Variants in SP4 observed in about 807,000 individuals in gnomAD.
The protein encoded by SP4 is transcription factor Sp4.
A neutral mutation model predicts 72.8 loss-of-function variants in SP4; 19 were observed. That is an observed-to-expected ratio of 0.26 (90% CI 0.18 to 0.38). The LOEUF (loss-of-function observed/expected upper bound fraction) is 0.38, where lower values mean the gene tolerates loss of function less well. Among genes scored for constraint, SP4 ranks in the 10% least tolerant of loss-of-function variants. The pLI, the probability that SP4 is intolerant of heterozygous loss-of-function variation, is 1.00. For synonymous variants in SP4, 395 were observed against 333.1 expected, an observed-to-expected ratio of 1.19 and a Z score of -2.02; for missense variants, 1,008 against 926.3, an observed-to-expected ratio of 1.09 and a Z score of -1.14.
At chr7:21,428,487 A>T (rs1277677974) in intron 1 of SP4, among the ~76,000 whole-genome samples, 190 bp from the exon 2 acceptor site, 1 of 151,982 alleles carries the variant, frequency 6.6e-6, no homozygotes, top group East Asian at 1.9e-4. Flanking sequence ...GTCGGGTTTC[A>T]AACCACGTTT....
At chr7:21,434,807 A>G (rs1310218687) in intron 3 of SP4, among the ~76,000 whole-genome samples, 1 of 148,932 alleles carries the variant, frequency 6.7e-6, no homozygotes, top group East Asian at 2.2e-4. Flanking sequence ...CTGTATGTCC[A>G]TGTGTAATCA....
intron 3 of SP4, among the ~76,000 whole-genome samples, chr7:21,455,431 A>C (rs1194791994): frequency 6.6e-6 from 1 of 152,196 alleles, no homozygotes; most frequent in African/African-American, 2.4e-5. Context: ...GGGTATGGAA[A>C]CATGATTACC....
At chr7:21,460,704 C>T (rs543009929) in intron 3 of SP4, among the ~76,000 whole-genome samples, 16 of 152,158 alleles carry the variant, frequency 1.1e-4, no homozygotes, top group African/African-American at 2.2e-4. Context: ...CTGATTGGTG[C>T]GTTTACAATC....
intron 3 of SP4, among the ~76,000 whole-genome samples, chr7:21,431,371 T>G (rs893784733): frequency 3.3e-5 from 5 of 152,224 alleles, no homozygotes; most frequent in African/African-American, 1.2e-4. Context: ...AACTAGATAC[T>G]GATGCAGTTG....
chr7:21,502,655 A>G (rs533631410), intron 5 of SP4, among the ~76,000 whole-genome samples: 1 of 152,212 alleles, frequency 6.6e-6, no homozygotes, highest in Non-Finnish European at 1.5e-5. Flanking sequence ...AGGCATTCAC[A>G]TCCCCATACC....
intron 5 of SP4, among the ~76,000 whole-genome samples, chr7:21,508,446 C>T (rs1303150604): frequency 3.3e-5 from 5 of 152,188 alleles, no homozygotes; most frequent in Non-Finnish European, 7.3e-5. Context: ...CCTGCCTCAG[C>T]CTCCCAAGTA....
chr7:21,503,808 A>T (rs1781927158), intron 5 of SP4, among the ~76,000 whole-genome samples: 1 of 152,118 alleles, frequency 6.6e-6, no homozygotes, highest in South Asian at 2.1e-4. Flanking sequence ...CTTTTTGTTT[A>T]TCTTTTGACA....
At chr7:21,444,824 A>G (rs1783371811) in intron 3 of SP4, among the ~76,000 whole-genome samples, 1 of 152,154 alleles carries the variant, frequency 6.6e-6, no homozygotes, top group Admixed American at 6.5e-5. Flanking sequence ...TCTTTATAAA[A>G]CAAGTCCGGG....
chr7:21,474,533 G>A (rs1457739625), intron 3 of SP4, among the ~76,000 whole-genome samples: 1 of 152,180 alleles, frequency 6.6e-6, no homozygotes. Flanking sequence ...TCATCCTTAA[G>A]CCATCTAGTT....
At chr7:21,499,988 A>C (rs1263492474) in intron 5 of SP4, among the ~76,000 whole-genome samples, 2 of 152,182 alleles carry the variant, frequency 1.3e-5, no homozygotes, top group East Asian at 1.9e-4. Flanking sequence ...AATCTCAGCA[A>C]ATTTTTTCCA....
At chr7:21,481,118 A>G (rs1187817779) in intron 4 of SP4, among the ~76,000 whole-genome samples, 1 of 152,186 alleles carries the variant, frequency 6.6e-6, no homozygotes, top group African/African-American at 2.4e-5. Flanking sequence ...CCTGGACCCC[A>G]GTATTTTCAT....
Position 21,428,187 on chromosome 7 carries a change from C to CA in SP4, c.-65_-64insA. On this transcript the variant is annotated 5_prime_UTR_variant, in exon 1 of 6. Transcript: ENST00000222584. ...GCGGGACCGGCCTCTCCTCCCGCCTCGCCCCCACCCCCACCCACCTCTATC... is the reference window on the plus strand; with the variant it reads ...GCGGGACCGGCCTCTCCTCCCGCCTCAGCCCCCACCCCCACCCACCTCTATC... 1.8e-6 allele frequency: 1 copy of CA among 563,540 alleles called. No individual in the cohort carries two copies. Among genetic ancestry groups the CA allele is most frequent in the Middle Eastern group, 3.1e-4 (1 of 3,276 alleles). 34.9% of individuals were successfully genotyped at this position (563,540 alleles called of 1,614,324 possible).
chr7:21,451,089 C>T lies in SP4; in HGVS notation c.1678+20246C>T, dbSNP rs189012682. Among the ~76,000 whole-genome samples, 449 of 152,306 alleles carry T rather than the reference C, an allele frequency of 2.9e-3. 1 individual carries two copies. Among genetic ancestry groups the T allele is most frequent in the African/African-American group, 0.01 (426 of 41,568 alleles). On this transcript the variant is annotated intron_variant, in intron 3 of 5. Coordinates refer to ENST00000222584, the MANE Select transcript of SP4 (RefSeq NM_003112.5). ...CCAGATGTGCAGTGGCCTGCCAGCA[C>T]TTGGGAGGGGCTGCACGTGCAGTGT... is the stretch of plus-strand genomic sequence containing the variant.
chr7:21,493,324 A>C (rs901935586), intron 5 of SP4, among the ~76,000 whole-genome samples: 10 of 152,222 alleles, frequency 6.6e-5, no homozygotes, highest in Non-Finnish European at 1.3e-4. Context: ...AAAAAGTTTC[A>C]AGGGAAATTA....
chr7:21,460,309 T>G (rs868458230), intron 3 of SP4, among the ~76,000 whole-genome samples: 10 of 152,166 alleles, frequency 6.6e-5, no homozygotes, highest in Middle Eastern at 3.2e-3. Flanking sequence ...GTTTATGGTC[T>G]TACTGGCTCA....
At chr7:21,493,660 T>A (rs1450909402) in intron 5 of SP4, among the ~76,000 whole-genome samples, 1 of 152,216 alleles carries the variant, frequency 6.6e-6, no homozygotes, top group African/African-American at 2.4e-5. Flanking sequence ...ATAGATAGCA[T>A]GAATGCTCCT....
In SP4 at chr7:21,428,176, TCCTCCCGCCTCGCC is replaced by T; in HGVS notation, c.-73_-60del. Reference sequence around the variant, plus strand: ...ACCGCGGGCGGGCGGGACCGGCCTCTCCTCCCGCCTCGCCCCCACCCCCACCCACCTCTATCCCA... The same window carrying T: ...ACCGCGGGCGGGCGGGACCGGCCTCTCCCACCCCCACCCACCTCTATCCCA... On this transcript the variant is annotated 5_prime_UTR_variant, in exon 1 of 6. Transcript: ENST00000222584. The T allele has an allele frequency of 2.8e-6, 2 of 718,778 alleles. No homozygotes were observed. The highest frequency in any genetic ancestry group is 3.0e-5 in the East Asian group (1 of 33,532). 44.5% of individuals were successfully genotyped at this position (718,778 alleles called of 1,614,324 possible).
chr7:21,465,058 T>C (rs1784126316), intron 3 of SP4, among the ~76,000 whole-genome samples: 1 of 152,204 alleles, frequency 6.6e-6, no homozygotes, highest in South Asian at 2.1e-4. Flanking sequence ...TTCATATCTT[T>C]CTAGGGTTTT....
chr7:21,481,639 G>A (rs1784692180), intron 4 of SP4, among the ~76,000 whole-genome samples: 1 of 152,174 alleles, frequency 6.6e-6, no homozygotes, highest in Admixed American at 6.5e-5. Context: ...GAAAGGCTTA[G>A]AGAGATTTTT....
Sources: allele counts gnomAD v4.1 joint callset (sites outside exome capture counted in the v4.1 genomes callset), GRCh38; gene constraint gnomAD v4.1.1; transcripts MANE v1.5; gene names NCBI Gene and HGNC (gene_info 2026-07-23, HGNC 2026-07-21).